Variants in SORCS2 observed in about 807,000 individuals in gnomAD.
SORCS2 encodes the protein VPS10 domain-containing receptor SorCS2.
SORCS2 carries 100 observed loss-of-function variants against 141.6 expected under a neutral mutation model. That is an observed-to-expected ratio of 0.71 (90% CI 0.60 to 0.83). The LOEUF (loss-of-function observed/expected upper bound fraction) is 0.83, where lower values mean the gene tolerates loss of function less well. Among genes scored for constraint, SORCS2 ranks in the 40% least tolerant of loss-of-function variants. The pLI, the probability that SORCS2 is intolerant of heterozygous loss-of-function variation, is 0.00. For synonymous variants in SORCS2, 789 were observed against 676.9 expected, an observed-to-expected ratio of 1.17 and a Z score of -2.57; for missense variants, 1,646 against 1,560.2, an observed-to-expected ratio of 1.05 and a Z score of -0.93.
chr4:7,650,283 A>G (rs2108890187), intron 4 of SORCS2, among the ~76,000 whole-genome samples: 1 of 152,306 alleles, frequency 6.6e-6, no homozygotes, highest in Non-Finnish European at 1.5e-5. Context: ...GGGCACCTTG[A>G]GAGGCAAAGG....
At chr4:7,338,726 G>A (rs911055074) in intron 1 of SORCS2, among the ~76,000 whole-genome samples, 1 of 152,208 alleles carries the variant, frequency 6.6e-6, no homozygotes, top group Non-Finnish European at 1.5e-5. Context: ...TAATTTAAAA[G>A]TATTTTATGT....
At chr4:7,659,297 A>G (rs1722004544) in intron 5 of SORCS2, among the ~76,000 whole-genome samples, 2 of 152,106 alleles carry the variant, frequency 1.3e-5, no homozygotes, top group Admixed American at 1.3e-4. Flanking sequence ...AAGAAAAAAA[A>G]AAAATCCGTA....
intron 1 of SORCS2, among the ~76,000 whole-genome samples, chr4:7,194,073 G>A (rs966947288): frequency 1.3e-5 from 2 of 152,134 alleles, no homozygotes; most frequent in Non-Finnish European, 1.5e-5. Flanking sequence ...GGCAGCCCCT[G>A]GTGGGGCTCT....
At chr4:7,573,460 G>T (rs1715527817) in intron 3 of SORCS2, among the ~76,000 whole-genome samples, 1 of 152,202 alleles carries the variant, frequency 6.6e-6, no homozygotes, top group Non-Finnish European at 1.5e-5. Flanking sequence ...AGATAAAATA[G>T]AGGCATAAAT....
chr4:7,543,848 C>T lies in SORCS2; in HGVS notation c.648+12219C>T, dbSNP rs560713823. ...CCCATCTGTCCATCCATCCACTCATCCGTCCATCCATCCACCCATCCATCC... is the reference window on the plus strand; with the variant it reads ...CCCATCTGTCCATCCATCCACTCATTCGTCCATCCATCCACCCATCCATCC... On this transcript the variant is annotated intron_variant, in intron 3 of 26. Transcript: ENST00000507866. Among the ~76,000 whole-genome samples, 357 of 101,806 alleles carry T rather than the reference C, an allele frequency of 3.5e-3. 7 individuals carry two copies. Among genetic ancestry groups the T allele is most frequent in the Non-Finnish European group, 5.0e-3 (227 of 45,182 alleles). The allele number at this position is 101,806 out of a possible 152,430, so 66.8% of individuals were successfully genotyped here.
At chr4:7,594,955 C>T (rs1265086274) in intron 3 of SORCS2, among the ~76,000 whole-genome samples, 1 of 152,134 alleles carries the variant, frequency 6.6e-6, no homozygotes, top group Non-Finnish European at 1.5e-5. Context: ...CACATCTCCA[C>T]CTCTGCAATG....
intron 1 of SORCS2, among the ~76,000 whole-genome samples, chr4:7,321,847 G>A (rs185448749): frequency 6.6e-6 from 1 of 152,338 alleles, no homozygotes; most frequent in East Asian, 1.9e-4. Flanking sequence ...GCCAGGGCCT[G>A]AGGATAGTTC....
chr4:7,306,506 C>T (rs1717842237), intron 1 of SORCS2, among the ~76,000 whole-genome samples: 1 of 152,090 alleles, frequency 6.6e-6, no homozygotes, highest in African/African-American at 2.4e-5. Flanking sequence ...GCTGTTGGAG[C>T]AGAGGGAGTT....
intron 15 of SORCS2, among the ~76,000 whole-genome samples, chr4:7,713,395 C>G (rs945400778): frequency 6.6e-6 from 1 of 151,650 alleles, no homozygotes; most frequent in Non-Finnish European, 1.5e-5. Context: ...GGGCCTGGAA[C>G]TGCTCGGGGG....
At chr4:7,707,253 C>T (rs1725531822) in intron 14 of SORCS2, among the ~76,000 whole-genome samples, 1 of 152,210 alleles carries the variant, frequency 6.6e-6, no homozygotes, top group Admixed American at 6.5e-5. Context: ...GCACACTCAG[C>T]CCTGGCTTTA....
At chr4:7,380,528 G>A (rs1392395332) in intron 1 of SORCS2, among the ~76,000 whole-genome samples, 2 of 152,232 alleles carry the variant, frequency 1.3e-5, no homozygotes, top group Non-Finnish European at 2.9e-5. Context: ...CTGTTGCTGA[G>A]GAGGGGCTGG....
chr4:7,366,661 T>C (rs575109405), intron 1 of SORCS2, among the ~76,000 whole-genome samples: 1 of 152,160 alleles, frequency 6.6e-6, no homozygotes, highest in Non-Finnish European at 1.5e-5. Flanking sequence ...CAGCTCCTTG[T>C]CACCACTTCT....
chr4:7,499,890 C>T (rs1232292634), intron 2 of SORCS2, among the ~76,000 whole-genome samples: 1 of 152,064 alleles, frequency 6.6e-6, no homozygotes, highest in Non-Finnish European at 1.5e-5. Context: ...GGAGAAGGGC[C>T]GTGAGGAGGA....
chr4:7,522,898 TCC>T (rs1204585963), intron 2 of SORCS2, among the ~76,000 whole-genome samples: 2 of 906 alleles, frequency 2.2e-3, no homozygotes, highest in Non-Finnish European at 6.3e-3. Flanking sequence ...CCCTCTTCTC[TCC>T]TCCCTCCTCC....
At chr4:7,652,292 C>T (rs1721493666) in intron 4 of SORCS2, among the ~76,000 whole-genome samples, 1 of 152,328 alleles carries the variant, frequency 6.6e-6, no homozygotes. Flanking sequence ...CTGGGCCTTG[C>T]CCGTGGCCCT....
At chr4:7,213,705 G>C (rs1390409731) in intron 1 of SORCS2, among the ~76,000 whole-genome samples, 1 of 152,184 alleles carries the variant, frequency 6.6e-6, no homozygotes, top group African/African-American at 2.4e-5. Flanking sequence ...GTTGGGCAGA[G>C]TTCTCCCCCT....
At position 7,631,258 on chromosome 4, in the gene SORCS2, G is replaced by C. The variant is rs537263799; in HGVS notation, c.649-7070G>C. On this transcript the variant is annotated intron_variant, in intron 3 of 26. Transcript: ENST00000507866. The stretch of plus-strand genomic sequence containing the variant: ...TGGCTCCTGCAGGGCTCAGTCACAG[G>C]GGTGCTTCTGACAAGCAGGTCCAAG... Among the ~76,000 whole-genome samples the C allele has an allele frequency of 2.0e-4, 30 of 151,590 alleles. No homozygotes were observed. The South Asian group carries it at 6.3e-3, about 32-fold the overall frequency.
chr4:7,725,401 C>A, intron 20 of SORCS2, 114 bp downstream of exon 20: 3 of 1,400,794 alleles, frequency 2.1e-6, no homozygotes, highest in Non-Finnish European at 2.8e-6. Context: ...GTAGGGTGCA[C>A]TCCTCACCCT....
chr4:7,222,534 A>G (rs62289684), intron 1 of SORCS2, among the ~76,000 whole-genome samples: 57,465 of 152,016 alleles, frequency 0.38, 10,981 homozygotes, highest in South Asian at 0.43. Flanking sequence ...GCACTCGTCT[A>G]AAATGGACTG....
Sources: allele counts gnomAD v4.1 joint callset (sites outside exome capture counted in the v4.1 genomes callset), GRCh38; gene constraint gnomAD v4.1.1; transcripts MANE v1.5; gene names NCBI Gene and HGNC (gene_info 2026-07-23, HGNC 2026-07-21).